The following PADI4 variants were observed in gnomAD, a reference collection of about 807,000 sequenced individuals.
The protein encoded by PADI4 is protein-arginine deiminase type-4.
Under a neutral mutation model 75.0 loss-of-function variants are expected in PADI4, and 62 were observed. The ratio of observed to expected loss-of-function variants is 0.83; its 90% CI spans 0.67 to 1.02. The LOEUF is 1.02. Among genes scored for constraint, PADI4 ranks in the 50% least tolerant of loss-of-function variants. PADI4 has a pLI of 0.00. For missense variants in PADI4, 845 were observed against 850.5 expected (o/e 0.99, Z 0.08); for synonymous variants, 361 against 348.1 (o/e 1.04, Z -0.41).
chr1:17,332,898 G>C (rs1043995121), intron 2 of PADI4, among the ~76,000 whole-genome samples: 1 of 152,158 alleles, frequency 6.6e-6, no homozygotes. Flanking sequence ...AGAGAGGAGA[G>C]AGTTTGACAC....
chr1:17,346,156 G>T lies in PADI4; in HGVS notation c.1047+17G>T. ...TGGATGCAGGTATGTGCCCTGCGGG[G>T]CAGGCAGGGTGACTGTCCCTGAGGG... On this transcript the variant is annotated intron_variant, in intron 9 of 15. Coordinates refer to ENST00000375448, the MANE Select transcript of PADI4 (RefSeq NM_012387.3). This position sits in a 1 kb window ranked among gnomAD's most constrained non-coding sequence, Gnocchi z 4.3. 4 of 1,530,496 alleles carry T rather than the reference G, an allele frequency of 2.6e-6. No homozygotes were observed. Among genetic ancestry groups the T allele is most frequent in the Non-Finnish European group, 3.6e-6 (4 of 1,104,276 alleles). 94.8% of individuals were successfully genotyped at this position (1,530,496 alleles called of 1,614,324 possible).
At chr1:17,337,839 TG>T (rs1347435296) in intron 4 of PADI4, among the ~76,000 whole-genome samples, 198 bp from the exon 5 acceptor site, 3 of 152,032 alleles carry the variant, frequency 2.0e-5, no homozygotes, top group Admixed American at 6.6e-5. Context: ...CACTTCAACC[TG>T]GGGGGTGGAG....
intron 10 of PADI4, among the ~76,000 whole-genome samples, chr1:17,350,655 G>GTA (rs2074601463): frequency 7.7e-6 from 1 of 130,574 alleles, no homozygotes; most frequent in African/African-American, 2.5e-5. Flanking sequence ...GCTGAAGGCT[G>GTA]TATAACTGAC....
At chr1:17,353,486 A>C (rs2074703256) in intron 10 of PADI4, among the ~76,000 whole-genome samples, 1 of 152,132 alleles carries the variant, frequency 6.6e-6, no homozygotes, top group African/African-American at 2.4e-5. Context: ...ACCTGGGCAC[A>C]TAATTTGGCG....
chr1:17,347,532 G>A (rs916786078), intron 9 of PADI4, among the ~76,000 whole-genome samples: 1 of 152,082 alleles, frequency 6.6e-6, no homozygotes, highest in Non-Finnish European at 1.5e-5. Flanking sequence ...GGTCTTCTCT[G>A]GCCCATCCTA....
intron 9 of PADI4, 23 bp from the exon 10 acceptor site, chr1:17,347,918 C>T (rs539418601): frequency 8.4e-6 from 12 of 1,434,208 alleles, no homozygotes; most frequent in Non-Finnish European, 1.1e-5. Flanking sequence ...GCGCAACAGC[C>T]TCCTCTCCAC....
intron 1 of PADI4, among the ~76,000 whole-genome samples, chr1:17,316,361 T>C (rs999956222): frequency 2.0e-5 from 3 of 151,096 alleles, no homozygotes; most frequent in Admixed American, 6.6e-5. Context: ...ACCACTGCAC[T>C]CCAGCCTGGG....
At chr1:17,333,279 G>A (rs766774722) in intron 2 of PADI4, among the ~76,000 whole-genome samples, 5 of 151,978 alleles carry the variant, frequency 3.3e-5, no homozygotes, top group Admixed American at 6.6e-5. Flanking sequence ...GGGCAGGTCC[G>A]AGCACCTCCG....
intron 10 of PADI4, among the ~76,000 whole-genome samples, chr1:17,351,971 G>A (rs1454496863): frequency 2.6e-4 from 14 of 53,678 alleles, no homozygotes; most frequent in African/African-American, 2.0e-3. Context: ...AGGCGGCCAG[G>A]GAGGTGATGG....
chr1:17,342,765 A>G (rs958736458), intron 8 of PADI4, among the ~76,000 whole-genome samples: 7 of 152,186 alleles, frequency 4.6e-5, no homozygotes, highest in African/African-American at 1.7e-4. Flanking sequence ...ACTTAAGGTC[A>G]GAAGTTTGAG....
intron 13 of PADI4, 84 bp from the exon 14 acceptor site, chr1:17,358,754 C>A: frequency 1.2e-6 from 1 of 855,282 alleles, no homozygotes; most frequent in Non-Finnish European, 1.9e-6. Flanking sequence ...GATGGGAACA[C>A]TGAGTCCCCC....
intron 8 of PADI4, among the ~76,000 whole-genome samples, chr1:17,342,760 A>C (rs981944919): frequency 5.9e-5 from 9 of 152,178 alleles, no homozygotes; most frequent in African/African-American, 2.2e-4. Context: ...GGATCACTTA[A>C]GGTCAGAAGT....
At chr1:17,334,305 TA>T in intron 3 of PADI4, 1 of 354,070 alleles carries the variant, frequency 2.8e-6, no homozygotes, top group East Asian at 6.7e-5. Context: ...GCATCTCCAT[TA>T]ATTTTTTTTT....
rs569848458 is a variant in PADI4, at chr1:17,351,590, T to C, written c.1156-2943T>C. ...CACCACTGCATTCTGGCATGGGCAA[T>C]AGGAGTAAGACCTGGTCTCAAAAAA... On this transcript the variant is annotated intron_variant, in intron 10 of 15. Transcript: ENST00000375448. Among the ~76,000 whole-genome samples the C allele has an allele frequency of 6.9e-5, 8 of 116,632 alleles. No homozygotes were observed. The South Asian group carries it at 2.1e-3, about 31-fold the overall frequency. The allele number at this position is 116,632 out of a possible 152,430, so 76.5% of individuals were successfully genotyped here.
intron 1 of PADI4, among the ~76,000 whole-genome samples, chr1:17,322,997 T>C (rs1320952278): frequency 6.6e-6 from 1 of 152,186 alleles, no homozygotes; most frequent in Non-Finnish European, 1.5e-5. Flanking sequence ...TTAGCTGGGT[T>C]CTCTACTTCA....
At chr1:17,314,201 C>A (rs1224727289) in intron 1 of PADI4, among the ~76,000 whole-genome samples, 1 of 152,198 alleles carries the variant, frequency 6.6e-6, no homozygotes, top group South Asian at 2.1e-4. Context: ...TCTTTTGAGC[C>A]CCTTATTCAT....
intron 4 of PADI4, among the ~76,000 whole-genome samples, chr1:17,336,509 G>T (rs928999118): frequency 2.0e-5 from 3 of 152,182 alleles, no homozygotes; most frequent in Non-Finnish European, 4.4e-5. Flanking sequence ...TCGTGGGCAG[G>T]TCTCGACTCT....
intron 8 of PADI4, among the ~76,000 whole-genome samples, chr1:17,342,868 A>T (rs1037831687): frequency 2.0e-5 from 3 of 152,180 alleles, no homozygotes; most frequent in Admixed American, 6.5e-5. Flanking sequence ...CCAGCTACTC[A>T]GGAGGCCGAG....
At chr1:17,347,917 C>T in intron 9 of PADI4, 24 bp from the exon 10 acceptor site, 4 of 1,423,158 alleles carry the variant, frequency 2.8e-6, no homozygotes, top group Non-Finnish European at 3.8e-6. Flanking sequence ...CGCGCAACAG[C>T]CTCCTCTCCA....
Sources: allele counts gnomAD v4.1 joint callset (sites outside exome capture counted in the v4.1 genomes callset), GRCh38; gene constraint gnomAD v4.1.1; non-coding constraint Gnocchi (gnomAD v3.1); transcripts MANE v1.5; gene names NCBI Gene and HGNC (gene_info 2026-07-23, HGNC 2026-07-21).